The following ATRNL1 variants were observed in gnomAD, a reference collection of about 807,000 sequenced individuals.
The protein encoded by ATRNL1 is attractin like 1, also known as attractin-like protein 1.
In ATRNL1, 95 loss-of-function variants were observed where a neutral mutation model predicts 182.7. The ratio of observed to expected loss-of-function variants is 0.52; its 90% CI spans 0.44 to 0.62. The LOEUF (loss-of-function observed/expected upper bound fraction) is 0.62, where lower values mean the gene tolerates loss of function less well. Ranked by LOEUF, ATRNL1 falls within the 20% of genes least tolerant of loss-of-function variation. ATRNL1 has a pLI of 0.00. For synonymous variants in ATRNL1, 576 were observed against 568.3 expected (o/e 1.01, Z -0.19); for missense variants, 1,471 against 1,679.5 (o/e 0.88, Z 2.17).
chr10:115,900,556 G>A (rs1406822850), intron 28 of ATRNL1, among the ~76,000 whole-genome samples: 1 of 151,516 alleles, frequency 6.6e-6, no homozygotes, highest in East Asian at 1.9e-4. Flanking sequence ...TTATACTAAG[G>A]CTTTACATGT....
intron 28 of ATRNL1, among the ~76,000 whole-genome samples, chr10:115,856,487 AC>A (rs1951191426): frequency 7.0e-6 from 1 of 142,398 alleles, no homozygotes; most frequent in Non-Finnish European, 1.5e-5. Context: ...TATTCTTTGC[AC>A]CATGCTGTCC....
chr10:115,207,642 A>G (rs1036060427), intron 8 of ATRNL1, among the ~76,000 whole-genome samples: 1 of 151,856 alleles, frequency 6.6e-6, no homozygotes, highest in Non-Finnish European at 1.5e-5. Flanking sequence ...TTTGTTTTTA[A>G]TATAGAATTA....
chr10:115,254,849 CATAT>C, intron 10 of ATRNL1, among the ~76,000 whole-genome samples: 1 of 152,288 alleles, frequency 6.6e-6, no homozygotes, highest in East Asian at 1.9e-4. Flanking sequence ...CAGCTTTCTA[CATAT>C]GGCTAGCCAG....
intron 28 of ATRNL1, among the ~76,000 whole-genome samples, chr10:115,911,443 G>A (rs1181236128): frequency 2.0e-5 from 3 of 151,996 alleles, no homozygotes; most frequent in South Asian, 4.1e-4. Context: ...TCAGCCTCCC[G>A]AGCAGCTGGG....
intron 26 of ATRNL1, among the ~76,000 whole-genome samples, chr10:115,637,698 C>G (rs1172966603): frequency 6.6e-6 from 1 of 150,774 alleles, no homozygotes; most frequent in Admixed American, 6.6e-5. Flanking sequence ...AATCTTGGCT[C>G]ACTGCAACCT....
At chr10:115,278,027 G>A (rs1302317456) in intron 13 of ATRNL1, among the ~76,000 whole-genome samples, 1 of 152,092 alleles carries the variant, frequency 6.6e-6, no homozygotes, top group Non-Finnish European at 1.5e-5. Flanking sequence ...TTTTTATATT[G>A]TATTGGGTTT....
intron 26 of ATRNL1, among the ~76,000 whole-genome samples, chr10:115,615,493 GTCTGATAGAGATTCCTTTAGATACAAC>G (rs1255403945): frequency 2.0e-5 from 3 of 151,944 alleles, no homozygotes; most frequent in Non-Finnish European, 4.4e-5. Flanking sequence ...TCTGCTGTTA[GTCTGATAGAGATTCCTTTAGATACAAC>G]TTGATGCTTG....
At chr10:115,724,422 T>G (rs1379320498) in intron 26 of ATRNL1, among the ~76,000 whole-genome samples, 1 of 152,142 alleles carries the variant, frequency 6.6e-6, no homozygotes, top group African/African-American at 2.4e-5. Flanking sequence ...ACAAAAATAG[T>G]GCTTGAAATT....
At chr10:115,550,963 T>G (rs1284785934) in intron 26 of ATRNL1, among the ~76,000 whole-genome samples, 1 of 151,734 alleles carries the variant, frequency 6.6e-6, no homozygotes, top group South Asian at 2.1e-4. Context: ...ATAAAATGCA[T>G]CTATGTAAAT....
intron 28 of ATRNL1, among the ~76,000 whole-genome samples, chr10:115,876,359 G>A (rs1951700594): frequency 6.6e-6 from 1 of 152,152 alleles, no homozygotes; most frequent in Non-Finnish European, 1.5e-5. Context: ...GTACCTGACA[G>A]ACAATATATG....
At chr10:115,275,333 T>C (rs1554914541) in intron 13 of ATRNL1, among the ~76,000 whole-genome samples, 4 of 152,190 alleles carry the variant, frequency 2.6e-5, no homozygotes, top group Non-Finnish European at 4.4e-5. Flanking sequence ...CAGTGATGTT[T>C]TGGGTCTCCT....
chr10:115,100,220 G>A (rs553490688), intron 1 of ATRNL1, among the ~76,000 whole-genome samples: 49 of 151,994 alleles, frequency 3.2e-4, no homozygotes, highest in Non-Finnish European at 5.7e-4. Context: ...TTTAACACAG[G>A]AATTGGAGGC....
At position 115,576,045 on chromosome 10, in the gene ATRNL1, C is replaced by A. The variant is rs12217767; in HGVS notation, c.3795+26509C>A. Among the ~76,000 whole-genome samples the A allele has an allele frequency of 1.8e-4, 28 of 152,172 alleles. No homozygotes were observed. The East Asian group carries it at 5.4e-3, about 29-fold the overall frequency. On this transcript the variant is annotated intron_variant, in intron 26 of 28. Transcript: ENST00000355044. The stretch of plus-strand genomic sequence containing the variant: ...CACACAGCATAATATCCTCCTGGCT[C>A]ATCTATGTTGCCACAAATGCCAGTA...
At chr10:115,307,421 C>G (rs1853788992) in intron 17 of ATRNL1, among the ~76,000 whole-genome samples, 1 of 152,116 alleles carries the variant, frequency 6.6e-6, no homozygotes, top group Non-Finnish European at 1.5e-5. Context: ...TGCCCCATGC[C>G]TGGCTGATTT....
intron 26 of ATRNL1, chr10:115,597,706 T>C: frequency 2.2e-6 from 1 of 447,534 alleles, no homozygotes; most frequent in Non-Finnish European, 4.5e-6. Flanking sequence ...ACTACCACGC[T>C]CAGCTAATTT....
chr10:115,350,031 T>C (rs1412915545), intron 19 of ATRNL1, among the ~76,000 whole-genome samples: 1 of 152,096 alleles, frequency 6.6e-6, no homozygotes, highest in African/African-American at 2.4e-5. Context: ...CCCAGACCAA[T>C]GTTCTGTAGA....
At chr10:115,474,413 T>C (rs906574575) in intron 24 of ATRNL1, among the ~76,000 whole-genome samples, 1 of 151,396 alleles carries the variant, frequency 6.6e-6, no homozygotes, top group Non-Finnish European at 1.5e-5. Context: ...TTATGATGTG[T>C]CCTAGTGAAG....
At chr10:115,804,405 G>A (rs1555085170) in intron 27 of ATRNL1, among the ~76,000 whole-genome samples, 2 of 152,128 alleles carry the variant, frequency 1.3e-5, no homozygotes. Flanking sequence ...AGGTCATGAG[G>A]TTGGGGCCCT....
chr10:115,271,571 A>G (rs549039060), intron 13 of ATRNL1, among the ~76,000 whole-genome samples: 12 of 152,288 alleles, frequency 7.9e-5, no homozygotes, highest in South Asian at 4.1e-4. Flanking sequence ...ATGCACACGT[A>G]TGTTTATTGC....
Sources: allele counts gnomAD v4.1 joint callset (sites outside exome capture counted in the v4.1 genomes callset), GRCh38; gene constraint gnomAD v4.1.1; transcripts MANE v1.5; gene names NCBI Gene and HGNC (gene_info 2026-07-23, HGNC 2026-07-21).